Variants in UBE3C observed in about 807,000 individuals in gnomAD.
The protein encoded by UBE3C is ubiquitin-protein ligase E3C.
UBE3C carries 42 observed loss-of-function variants against 129.4 expected under a neutral mutation model. The ratio of observed to expected loss-of-function variants is 0.32; its 90% CI spans 0.25 to 0.42. The LOEUF (loss-of-function observed/expected upper bound fraction) is 0.42, where lower values mean the gene tolerates loss of function less well. Ranked by LOEUF, UBE3C falls within the 10% of genes least tolerant of loss-of-function variation. The pLI is 1.00. For synonymous variants in UBE3C, 510 were observed against 492.4 expected (o/e 1.04, Z -0.47); for missense variants, 1,049 against 1,319.1 (o/e 0.80, Z 3.17).
Position 157,144,384 on chromosome 7 carries a change from C to T in UBE3C, c.66+5046C>T, listed in dbSNP as rs371283480. ...GATGATAGAGGGAAATTCGGTGTCT[C>T]GGAAATAGTTTTGTCTGTTTTGGGA... is the stretch of plus-strand genomic sequence containing the variant. On this transcript the variant is annotated intron_variant, in intron 1 of 22. Coordinates refer to ENST00000348165, the MANE Select transcript of UBE3C (RefSeq NM_014671.3). Among the ~76,000 whole-genome samples the T allele has an allele frequency of 3.3e-5, 5 of 151,994 alleles. No individual in the cohort carries two copies. In the East Asian group the frequency reaches 5.8e-4, roughly 18 times the overall value.
At chr7:157,254,958 CACCT>C (rs1796712116) in intron 21 of UBE3C, among the ~76,000 whole-genome samples, 2 of 151,086 alleles carry the variant, frequency 1.3e-5, no homozygotes, top group Admixed American at 6.6e-5. Context: ...TGGTGGCGTA[CACCT>C]GCAGTCCCGG....
chr7:157,175,659 T>G (rs1586663973), intron 5 of UBE3C, among the ~76,000 whole-genome samples: 1 of 152,132 alleles, frequency 6.6e-6, no homozygotes, highest in African/African-American at 2.4e-5. Flanking sequence ...CTGTAATATT[T>G]GTTTAGGATT....
chr7:157,196,349 G>A (rs1469550305), intron 10 of UBE3C, among the ~76,000 whole-genome samples: 1 of 152,206 alleles, frequency 6.6e-6, no homozygotes, highest in Non-Finnish European at 1.5e-5. Flanking sequence ...GTGGCAATGG[G>A]AAACTAACCA....
intron 18 of UBE3C, among the ~76,000 whole-genome samples, chr7:157,237,794 C>G (rs553895149): frequency 3.3e-4 from 50 of 152,062 alleles, no homozygotes; most frequent in African/African-American, 1.2e-3. Context: ...ACCTGTAGTC[C>G]CAGCACTTTG....
At chr7:157,264,128 C>G (rs1251163549) in intron 22 of UBE3C, among the ~76,000 whole-genome samples, 1 of 146,052 alleles carries the variant, frequency 6.8e-6, no homozygotes, top group African/African-American at 2.5e-5. Context: ...CAGCCTGTTA[C>G]GTGCACACAC....
At chr7:157,171,056 T>C (rs1808354260) in intron 4 of UBE3C, among the ~76,000 whole-genome samples, 1 of 152,008 alleles carries the variant, frequency 6.6e-6, no homozygotes, top group African/African-American at 2.4e-5. Flanking sequence ...AAGTGATTTT[T>C]CCCTCCCTGG....
intron 22 of UBE3C, among the ~76,000 whole-genome samples, chr7:157,265,643 G>C (rs892993055): frequency 1.3e-5 from 2 of 152,216 alleles, no homozygotes; most frequent in Non-Finnish European, 2.9e-5. Flanking sequence ...AGATGAGCGA[G>C]ACCCATTATC....
intron 13 of UBE3C, among the ~76,000 whole-genome samples, chr7:157,211,191 A>AGAGAGAGAGAGAGAGAGAGAGAGAGAGC (rs1481725592): frequency 1.1e-4 from 16 of 151,582 alleles, no homozygotes; most frequent in African/African-American, 3.4e-4. Context: ...AGAGAGAGAG[A>AGAGAGAGAGAGAGAGAGAGAGAGAGAGC]GAGCCATACT....
At chr7:157,145,553 C>T (rs1444151444) in intron 1 of UBE3C, among the ~76,000 whole-genome samples, 2 of 152,118 alleles carry the variant, frequency 1.3e-5, no homozygotes, top group African/African-American at 4.8e-5. Flanking sequence ...ATTGCATATT[C>T]ATCCATCCCT....
At chr7:157,179,263 A>G (rs1808607111) in intron 6 of UBE3C, among the ~76,000 whole-genome samples, 2 of 152,058 alleles carry the variant, frequency 1.3e-5, no homozygotes, top group Non-Finnish European at 1.5e-5. Context: ...CATCACTCCA[A>G]GAGCCTTATG....
intron 21 of UBE3C, among the ~76,000 whole-genome samples, chr7:157,254,904 C>T (rs1044576782): frequency 1.8e-5 from 2 of 112,908 alleles, no homozygotes; most frequent in Admixed American, 9.5e-5. Flanking sequence ...TGGTGGCATA[C>T]ACCTGCAGTC....
At chr7:157,225,667 G>T in intron 17 of UBE3C, 128 bp downstream of exon 17, 3 of 1,063,722 alleles carry the variant, frequency 2.8e-6, no homozygotes, top group Non-Finnish European at 3.8e-6. Context: ...TGAAATGTGA[G>T]GCTGGGCATG....
intron 1 of UBE3C, among the ~76,000 whole-genome samples, chr7:157,158,842 C>T (rs749346378): frequency 6.6e-6 from 1 of 152,062 alleles, no homozygotes; most frequent in African/African-American, 2.4e-5. Flanking sequence ...AACATAGACT[C>T]CAAGTGTGTT....
chr7:157,141,356 C>T (rs1209081351), intron 1 of UBE3C, among the ~76,000 whole-genome samples: 6 of 152,222 alleles, frequency 3.9e-5, no homozygotes, highest in Admixed American at 3.3e-4. Context: ...CTCACCCATT[C>T]ATTACAGTCA....
At chr7:157,218,947 AAAG>A (rs1563061053) in intron 14 of UBE3C, among the ~76,000 whole-genome samples, 1 of 152,208 alleles carries the variant, frequency 6.6e-6, no homozygotes, top group Non-Finnish European at 1.5e-5. Flanking sequence ...GTTTTGAAAA[AAAG>A]AAGTACTCAA....
intron 18 of UBE3C, among the ~76,000 whole-genome samples, chr7:157,245,280 T>A (rs1796444372): frequency 6.6e-6 from 1 of 152,230 alleles, no homozygotes; most frequent in South Asian, 2.1e-4. Context: ...AATGCAGAAA[T>A]GGCAAACAGT....
In UBE3C at chr7:157,200,138, A is replaced by G. The variant is rs113615538; in HGVS notation, c.1332-1583A>G. 4.9e-3 allele frequency among the ~76,000 whole-genome samples: 749 copies of G among 152,288 alleles called. 4 individuals carry two copies. The highest frequency in any genetic ancestry group is 8.3e-3 in the African/African-American group (343 of 41,554). On this transcript the variant is annotated intron_variant, in intron 10 of 22. Coordinates refer to ENST00000348165, the MANE Select transcript of UBE3C (RefSeq NM_014671.3). ...TATGCAAACATTGCTTTTAGCCTAC[A>G]TGACATTGGAAAGATGGCTGGGCTG... is the stretch of plus-strand genomic sequence containing the variant.
intron 1 of UBE3C, among the ~76,000 whole-genome samples, chr7:157,139,832 C>G (rs1015912849): frequency 6.6e-6 from 1 of 152,332 alleles, no homozygotes; most frequent in African/African-American, 2.4e-5. Flanking sequence ...AGGGCGTTTT[C>G]GGTTGTAGAA....
intron 1 of UBE3C, among the ~76,000 whole-genome samples, chr7:157,149,682 C>T (rs1807705704): frequency 6.6e-6 from 1 of 152,104 alleles, no homozygotes; most frequent in African/African-American, 2.4e-5. Flanking sequence ...CAGCTAGGGT[C>T]CTTAAAAGGT....
Sources: gnomAD v4.1 joint callset for allele counts (sites outside exome capture counted in the v4.1 genomes callset) on GRCh38, gnomAD v4.1.1 for gene constraint, MANE v1.5 for transcripts, NCBI Gene and HGNC (gene_info 2026-07-23, HGNC 2026-07-21) for gene names.